Variants in CSMD1 observed in about 807,000 individuals in gnomAD.
The protein encoded by CSMD1 is CUB and sushi domain-containing protein 1.
CSMD1 carries 213 observed loss-of-function variants against 417.5 expected under a neutral mutation model. That is an observed-to-expected ratio of 0.51 (90% CI 0.46 to 0.57). CSMD1 has a LOEUF of 0.57. CSMD1 is among the 20% of genes least tolerant of loss of function. The pLI is 0.00. For synonymous variants in CSMD1, 2,862 were observed against 1,736.8 expected (o/e 1.65, Z -16.11); for missense variants, 6,923 against 4,529.7 (o/e 1.53, Z -15.17).
In CSMD1 at chr8:4,374,516, G is replaced by T. The variant is rs116660202; in HGVS notation, c.415+45437C>A. On this transcript the variant is annotated intron_variant, in intron 3 of 69. Transcript: ENST00000635120. Reference sequence around the variant, plus strand: ...GAGTGAGGAGAGAATGCCCACAGCAGATCTAGAGAGAAGAGGCTGGTCAGT... The same window carrying T: ...GAGTGAGGAGAGAATGCCCACAGCATATCTAGAGAGAAGAGGCTGGTCAGT... Among the ~76,000 whole-genome samples, 7 of 152,190 alleles carry T rather than the reference G, an allele frequency of 4.6e-5. No individual in the cohort carries two copies. The South Asian group carries it at 1.5e-3, about 32-fold the overall frequency.
intron 65 of CSMD1, among the ~76,000 whole-genome samples, chr8:2,952,366 C>T (rs932359205): frequency 2.6e-5 from 4 of 152,130 alleles, no homozygotes; most frequent in Admixed American, 2.6e-4. Context: ...CTTTCCAGCC[C>T]AACTGGCCAT....
intron 7 of CSMD1, among the ~76,000 whole-genome samples, chr8:3,656,620 G>C (rs148734708): frequency 2.6e-5 from 4 of 152,130 alleles, no homozygotes; most frequent in Admixed American, 1.3e-4. Flanking sequence ...TGCTGGTGCA[G>C]CTGTCTTTCT....
intron 12 of CSMD1, among the ~76,000 whole-genome samples, chr8:3,427,447 T>C (rs540841455): frequency 2.0e-5 from 3 of 152,158 alleles, no homozygotes; most frequent in African/African-American, 7.2e-5. Flanking sequence ...CCACAATTCC[T>C]ATATATATAT....
intron 1 of CSMD1, among the ~76,000 whole-genome samples, chr8:4,767,782 A>C (rs1318465493): frequency 6.6e-6 from 1 of 152,132 alleles, no homozygotes; most frequent in Non-Finnish European, 1.5e-5. Flanking sequence ...TGCTTACTTA[A>C]GGGGTTGGTG....
At chr8:3,731,658 G>C (rs559103537) in intron 6 of CSMD1, among the ~76,000 whole-genome samples, 3 of 152,072 alleles carry the variant, frequency 2.0e-5, no homozygotes, top group Non-Finnish European at 4.4e-5. Flanking sequence ...AATTATGCTC[G>C]GTACTGGGAG....
chr8:3,465,126 T>C (rs1041855725), intron 12 of CSMD1, among the ~76,000 whole-genome samples: 2 of 152,158 alleles, frequency 1.3e-5, no homozygotes, highest in African/African-American at 4.8e-5. Context: ...ATTGTTCTTC[T>C]GTGTTTGCTG....
intron 17 of CSMD1, among the ~76,000 whole-genome samples, chr8:3,390,084 G>A (rs1445515766): frequency 6.6e-6 from 1 of 152,092 alleles, no homozygotes. Context: ...GCTGGGCACG[G>A]TGGCTCATGC....
rs572751624 is a variant in CSMD1 at position 4,482,438 on chromosome 8, T to C, written c.303-62373A>G. 2.0e-5 allele frequency among the ~76,000 whole-genome samples: 3 copies of C among 152,342 alleles called. No homozygotes were observed. The South Asian group carries it at 6.2e-4, about 32-fold the overall frequency. ...AAGGACATGATCTTATTTGTTCTTA[T>C]GGCTGCATAGTACTCCATGGTGTGT... On this transcript the variant is annotated intron_variant, in intron 2 of 69. Coordinates refer to ENST00000635120, the MANE Select transcript of CSMD1 (RefSeq NM_033225.6).
intron 3 of CSMD1, among the ~76,000 whole-genome samples, chr8:4,288,091 A>AG (rs1413226752): frequency 6.6e-6 from 1 of 152,208 alleles, no homozygotes; most frequent in Non-Finnish European, 1.5e-5. Flanking sequence ...ACTGAGCCTT[A>AG]GTTTTACTTA....
At chr8:4,707,796 A>G (rs1393968884) in intron 1 of CSMD1, among the ~76,000 whole-genome samples, 1 of 151,414 alleles carries the variant, frequency 6.6e-6, no homozygotes, top group Non-Finnish European at 1.5e-5. Context: ...CTGAAGCAGA[A>G]GAATCGCTTG....
At chr8:3,957,935 C>A (rs917395406) in intron 5 of CSMD1, among the ~76,000 whole-genome samples, 7 of 152,136 alleles carry the variant, frequency 4.6e-5, no homozygotes, top group Non-Finnish European at 8.8e-5. Flanking sequence ...CTCAGGGCAG[C>A]AAATCCTGCA....
intron 7 of CSMD1, among the ~76,000 whole-genome samples, chr8:3,676,494 C>T (rs920979747): frequency 8.5e-5 from 13 of 152,156 alleles, no homozygotes; most frequent in African/African-American, 3.1e-4. Context: ...CATAAATTGC[C>T]TGAAAAATTT....
intron 49 of CSMD1, among the ~76,000 whole-genome samples, chr8:3,084,874 A>C (rs1325861776): frequency 6.6e-6 from 1 of 151,906 alleles, no homozygotes; most frequent in Non-Finnish European, 1.5e-5. Flanking sequence ...TTTAATGTTC[A>C]AAAATCCTAC....
At chr8:4,073,255 G>C (rs542611369) in intron 3 of CSMD1, among the ~76,000 whole-genome samples, 1 of 152,176 alleles carries the variant, frequency 6.6e-6, no homozygotes, top group East Asian at 1.9e-4. Flanking sequence ...TGATGAGAAG[G>C]TAAAAATAGG....
chr8:4,834,977 A>AAAAG (rs1162672231), intron 1 of CSMD1, among the ~76,000 whole-genome samples: 62 of 32,262 alleles, frequency 1.9e-3, no homozygotes, highest in Middle Eastern at 0.019. Context: ...AAAAAAAAAA[A>AAAAG]AAAGAAAGAA....
intron 7 of CSMD1, among the ~76,000 whole-genome samples, chr8:3,662,652 T>C (rs796943215): frequency 2.0e-5 from 3 of 152,314 alleles, no homozygotes; most frequent in South Asian, 2.1e-4. Context: ...CCATTTTTTA[T>C]GCAGCCATGA....
At chr8:4,038,574 G>C (rs916927383) in intron 3 of CSMD1, among the ~76,000 whole-genome samples, 6 of 152,114 alleles carry the variant, frequency 3.9e-5, no homozygotes, top group African/African-American at 9.7e-5. Context: ...ATGTCTCTTT[G>C]TGACTCCCAG....
At chr8:3,047,303 G>C (rs1294824822) in intron 50 of CSMD1, among the ~76,000 whole-genome samples, 1 of 150,706 alleles carries the variant, frequency 6.6e-6, no homozygotes, top group Non-Finnish European at 1.5e-5. Flanking sequence ...CTCTTCTGTA[G>C]AAATTGGTCC....
chr8:4,772,110 A>G (rs1357982498), intron 1 of CSMD1, among the ~76,000 whole-genome samples: 7 of 152,090 alleles, frequency 4.6e-5, no homozygotes, highest in Admixed American at 1.3e-4. Flanking sequence ...ATAGGCTTCC[A>G]GGGTCATTTG....
Sources: gnomAD v4.1 joint callset for allele counts (sites outside exome capture counted in the v4.1 genomes callset) on GRCh38, gnomAD v4.1.1 for gene constraint, MANE v1.5 for transcripts, NCBI Gene and HGNC (gene_info 2026-07-23, HGNC 2026-07-21) for gene names.